Variants in SEMA3D observed in about 807,000 individuals in gnomAD.
SEMA3D encodes semaphorin 3D.
SEMA3D carries 84 observed loss-of-function variants against 100.1 expected under a neutral mutation model. The observed-to-expected ratio is 0.84, with a 90% CI of 0.70 to 1.01. The LOEUF is 1.01. SEMA3D is among the 50% of genes least tolerant of loss of function. The probability of loss-of-function intolerance (pLI) is 0.00; values close to 1 mark genes in which losing one functional copy is unlikely to be tolerated. For missense variants in SEMA3D, 875 were observed against 934.1 expected, an observed-to-expected ratio of 0.94 and a Z score of 0.82; for synonymous variants, 312 against 320.7, an observed-to-expected ratio of 0.97 and a Z score of 0.29.
chr7:85,128,679 C>G (rs954771909), intron 2 of SEMA3D, among the ~76,000 whole-genome samples: 4 of 151,442 alleles, frequency 2.6e-5, no homozygotes, highest in Non-Finnish European at 5.9e-5. Flanking sequence ...TAATCTATAT[C>G]TAATATTATA....
intron 1 of SEMA3D, among the ~76,000 whole-genome samples, chr7:85,161,655 T>C (rs889459693): frequency 6.6e-6 from 1 of 152,074 alleles, no homozygotes; most frequent in African/African-American, 2.4e-5. Flanking sequence ...AAACAATTCT[T>C]AGGTGGGACT....
chr7:85,098,548 T>A (rs2116317619), intron 3 of SEMA3D, among the ~76,000 whole-genome samples: 1 of 152,002 alleles, frequency 6.6e-6, no homozygotes, highest in East Asian at 1.9e-4. Flanking sequence ...TTTAGGCTTA[T>A]AGCAAAACTG....
intron 2 of SEMA3D, among the ~76,000 whole-genome samples, chr7:85,147,688 T>C (rs1311421071): frequency 5.9e-5 from 9 of 152,158 alleles, no homozygotes; most frequent in African/African-American, 1.4e-4. Context: ...ATTTAAATAT[T>C]ATTTATTTAT....
At chr7:85,143,181 C>A (rs1244677470) in intron 2 of SEMA3D, 1 of 978,574 alleles carries the variant, frequency 1.0e-6, no homozygotes, top group African/African-American at 1.8e-5. Context: ...CATATAAAAT[C>A]AGGTCATATG....
chr7:85,185,278 C>G (rs1791508331), intron 1 of SEMA3D, among the ~76,000 whole-genome samples: 1 of 152,068 alleles, frequency 6.6e-6, no homozygotes, highest in African/African-American at 2.4e-5. Context: ...TCTCAGACCT[C>G]TCCTCTACCT....
chr7:85,097,826 G>T lies in SEMA3D; in HGVS notation c.291C>A (p.Asp97Glu). The T allele has an allele frequency of 6.2e-7, 1 of 1,600,806 alleles. No individual in the cohort carries two copies. The highest frequency in any genetic ancestry group is 8.5e-7 in the Non-Finnish European group (1 of 1,171,170). The change falls in exon 4 of 19, where the codon GAC (aspartate) becomes GAA (glutamate). Residue 97 changes from aspartate to glutamate, a missense_variant. Coordinates refer to ENST00000284136, the MANE Select transcript of SEMA3D (RefSeq NM_001384900.1). ...TGACCTTCTTAAAATTTTTGTTTAA[G>T]TCAACCAGACTGAGTAGAAAGATGT... is the stretch of plus-strand genomic sequence containing the variant. Reference protein sequence around the residue: ...KDHIFLLSLVDLNKNFKKIYW... With the variant: ...KDHIFLLSLVELNKNFKKIYW...
At chr7:85,244,548 T>A in the SEMA3D span, among the ~76,000 whole-genome samples, 1 of 152,138 alleles carries the variant, frequency 6.6e-6, no homozygotes, top group African/African-American at 2.4e-5. Flanking sequence ...GAATATAAAA[T>A]AAACTGCAAA....
chr7:85,048,401 G>C (rs1438420843), intron 9 of SEMA3D, among the ~76,000 whole-genome samples: 2 of 151,718 alleles, frequency 1.3e-5, no homozygotes, highest in East Asian at 3.9e-4. Context: ...AACTCAGGGT[G>C]GTCTATTCAG....
At chr7:85,189,048 A>G (rs1444390395), upstream of SEMA3D, among the ~76,000 whole-genome samples, 2 of 152,338 alleles carry the variant, frequency 1.3e-5, no homozygotes, top group East Asian at 1.9e-4. Flanking sequence ...AGAATTTACC[A>G]GAGTATCCTG....
intron 17 of SEMA3D, among the ~76,000 whole-genome samples, chr7:85,011,887 T>C (rs914178646): frequency 2.6e-5 from 4 of 151,788 alleles, no homozygotes; most frequent in Non-Finnish European, 5.9e-5. Flanking sequence ...TTTACATCAC[T>C]GGTAGGGTGT....
At chr7:85,008,132 C>T (rs1789850522) in intron 17 of SEMA3D, among the ~76,000 whole-genome samples, 2 of 151,694 alleles carry the variant, frequency 1.3e-5, no homozygotes, top group South Asian at 2.1e-4. Context: ...TGGTGCCAGT[C>T]ATGGAAAAGA....
chr7:85,065,431 C>G lies in SEMA3D; in HGVS notation c.711G>C (p.Trp237Cys), dbSNP rs1416564167. Residue 237 changes from tryptophan to cysteine, a missense_variant, in exon 8 of 19, where the codon TGG (tryptophan) becomes TGC (cysteine). By Grantham distance (215) the Trp-to-Cys change is radical. Coordinates refer to ENST00000284136, the MANE Select transcript of SEMA3D (RefSeq NM_001384900.1). ...YIRTDISEHY[W>C]LNGAKFIGTF... ...CAAAAAAAAATCACAAACCATTGAG[C>G]CAGTAGTGCTCTGAAATGTCAGTTC... The G allele has an allele frequency of 6.2e-7, 1 of 1,613,012 alleles. No individual in the cohort carries two copies. The highest frequency in any genetic ancestry group is 8.5e-7 in the Non-Finnish European group (1 of 1,179,364).
At chr7:85,022,065 G>A (rs1209380243) in intron 13 of SEMA3D, among the ~76,000 whole-genome samples, 1 of 151,830 alleles carries the variant, frequency 6.6e-6, no homozygotes, top group Admixed American at 6.6e-5. Context: ...TACTTGCAAA[G>A]AGAGGGAAAG....
At chr7:85,115,747 T>C (rs1789221913) in intron 3 of SEMA3D, among the ~76,000 whole-genome samples, 2 of 152,064 alleles carry the variant, frequency 1.3e-5, no homozygotes, top group South Asian at 4.2e-4. Flanking sequence ...TCTCAGAAAA[T>C]TTCCTCTCAT....
chr7:85,027,955 C>A (rs971134380), intron 12 of SEMA3D: 34 of 585,968 alleles, frequency 5.8e-5, no homozygotes, highest in East Asian at 1.7e-4. Flanking sequence ...AACTATGTCA[C>A]CTTTACGGAT....
intron 4 of SEMA3D, among the ~76,000 whole-genome samples, chr7:85,095,275 C>T (rs1185733059): frequency 6.6e-6 from 1 of 151,898 alleles, no homozygotes; most frequent in Non-Finnish European, 1.5e-5. Context: ...CACTAAATGC[C>T]CATGGCAAAT....
chr7:85,003,372 A>G (rs932055980), intron 18 of SEMA3D, among the ~76,000 whole-genome samples: 11 of 152,050 alleles, frequency 7.2e-5, no homozygotes, highest in Non-Finnish European at 1.3e-4. Context: ...ATACCTAAAT[A>G]ACTACTAGAT....
chr7:85,106,658 C>A (rs1021660746), intron 3 of SEMA3D, among the ~76,000 whole-genome samples: 1 of 152,056 alleles, frequency 6.6e-6, no homozygotes, highest in African/African-American at 2.4e-5. Flanking sequence ...TGTCCTCAAA[C>A]TGCTGTGAAG....
intron 7 of SEMA3D, among the ~76,000 whole-genome samples, chr7:85,066,194 G>A (rs1791614548): frequency 1.3e-5 from 2 of 152,070 alleles, no homozygotes; most frequent in Admixed American, 6.6e-5. Flanking sequence ...TACATGTTCT[G>A]TTTCACCAGA....
Sources: allele counts gnomAD v4.1 joint callset (sites outside exome capture counted in the v4.1 genomes callset), GRCh38; gene constraint gnomAD v4.1.1; transcripts MANE v1.5; gene names NCBI Gene and HGNC (gene_info 2026-07-23, HGNC 2026-07-21).